Variants in BCAR3 observed in about 807,000 individuals in gnomAD.
BCAR3 encodes breast cancer anti-estrogen resistance protein 3.
In BCAR3, 37 loss-of-function variants were observed where a neutral mutation model predicts 80.1. That is an observed-to-expected ratio of 0.46 (90% CI 0.36 to 0.61). BCAR3 has a LOEUF of 0.61. Among genes scored for constraint, BCAR3 ranks in the 20% least tolerant of loss-of-function variants. BCAR3 has a pLI of 0.00. For missense variants in BCAR3, 978 were observed against 1,068.2 expected, an observed-to-expected ratio of 0.92 and a Z score of 1.18; for synonymous variants, 389 against 418.9, an observed-to-expected ratio of 0.93 and a Z score of 0.87.
At chr1:93,835,549 T>C (rs905779258) in intron 2 of BCAR3, among the ~76,000 whole-genome samples, 9 of 152,232 alleles carry the variant, frequency 5.9e-5, no homozygotes, top group African/African-American at 2.2e-4. Flanking sequence ...GCCCATTCTA[T>C]TCTGTCGTCA....
At chr1:93,616,092 A>T (rs932186387) in intron 3 of BCAR3, among the ~76,000 whole-genome samples, 1 of 152,248 alleles carries the variant, frequency 6.6e-6, no homozygotes, top group Non-Finnish European at 1.5e-5. Context: ...CTCCACAGCC[A>T]GGGTAAAAAC....
At chr1:93,668,621 T>C (rs1391158162) in intron 2 of BCAR3, among the ~76,000 whole-genome samples, 1 of 152,238 alleles carries the variant, frequency 6.6e-6, no homozygotes, top group Non-Finnish European at 1.5e-5. Context: ...TTCAGAAACA[T>C]TCTTGAACTT....
At chr1:93,691,701 T>C (rs1172800359) in intron 3 of BCAR3, among the ~76,000 whole-genome samples, 3 of 152,056 alleles carry the variant, frequency 2.0e-5, no homozygotes, top group Non-Finnish European at 2.9e-5. Context: ...TGTGAGGCTC[T>C]GACCAGCAGC....
At chr1:93,625,915 C>T (rs959433695) in intron 3 of BCAR3, among the ~76,000 whole-genome samples, 1 of 151,758 alleles carries the variant, frequency 6.6e-6, no homozygotes, top group Admixed American at 6.6e-5. Context: ...AAATGGATCC[C>T]TGCAACAAAT....
rs190704072 is a variant in BCAR3 at position 93,819,242 on chromosome 1, T to C, written c.-63+26325A>G. ...CTGCCACACCCAGTTATTTTTGTAT[T>C]TTTAGTAGAGACGGGGTTTCACCAC... is the stretch of plus-strand genomic sequence containing the variant. On this transcript the variant is annotated intron_variant, in intron 2 of 13. Coordinates refer to the BCAR3 transcript ENST00000370244. Among the ~76,000 whole-genome samples the C allele has an allele frequency of 3.8e-4, 58 of 152,338 alleles. 1 individual carries two copies. Among genetic ancestry groups the C allele is most frequent in the Admixed American group, 2.2e-3 (34 of 15,302 alleles).
At chr1:93,645,262 C>T (rs1676117160) in intron 2 of BCAR3, among the ~76,000 whole-genome samples, 1 of 151,792 alleles carries the variant, frequency 6.6e-6, no homozygotes, top group Admixed American at 6.6e-5. Context: ...GAGCTCAGTT[C>T]CTCCTTTCAA....
rs1676008281 is a variant in BCAR3 at position 93,642,342 on chromosome 1, C to A, written c.319G>T (p.Asp107Tyr). Reference sequence around the variant, plus strand: ...ACAGTTGGGTCCAGAAGATGTGGATCCCTGAAAAGAGAAAATATAAATATG... The same window carrying A: ...ACAGTTGGGTCCAGAAGATGTGGATACCTGAAAAGAGAAAATATAAATATG... ...DRHGETFTFR[D>Y]PHLLDPTVEY... The change falls in exon 3 of 12, where the codon GAT (aspartate) becomes TAT (tyrosine). Residue 107 changes from aspartate (D) to tyrosine (Y), a missense_variant and splice_region_variant. Physicochemically the swap from Asp to Tyr is radical, Grantham distance 160. Transcript: ENST00000260502. 1.2e-6 allele frequency: 2 copies of A among 1,612,562 alleles called. No homozygotes were observed. Among genetic ancestry groups the A allele is most frequent in the African/African-American group, 1.3e-5 (1 of 75,014 alleles).
intron 2 of BCAR3, among the ~76,000 whole-genome samples, chr1:93,806,423 T>C (rs1214538517): frequency 6.6e-6 from 1 of 152,204 alleles, no homozygotes; most frequent in Non-Finnish European, 1.5e-5. Flanking sequence ...GGTGAAACTA[T>C]GCAAGAACAA....
At chr1:93,731,646 G>GTAAAATAAAATAAAATAAAA (rs3068528) in intron 2 of BCAR3, among the ~76,000 whole-genome samples, 20 of 147,362 alleles carry the variant, frequency 1.4e-4, no homozygotes, top group African/African-American at 4.8e-4. Flanking sequence ...AGATGTTAAA[G>GTAAAATAAAATAAAATAAAA]TAAAATAAAA....
chr1:93,720,039 G>C lies in BCAR3; in HGVS notation c.-62-13897C>G, dbSNP rs1056823141. On this transcript the variant is annotated intron_variant, in intron 2 of 13. Coordinates refer to the BCAR3 transcript ENST00000370244. The stretch of plus-strand genomic sequence containing the variant: ...TTTTCCTGGGCACTGGTATGTTGTA[G>C]AATAAACCCGTGGGTCTTTCTTATA... 4.6e-5 allele frequency: 7 copies of C among 152,318 alleles called. No individual in the cohort carries two copies. The East Asian group carries it at 1.2e-3, about 25-fold the overall frequency. The allele number at this position is 152,318 out of a possible 1,614,324, so 9.4% of individuals were successfully genotyped here.
chr1:93,584,937 T>G (rs1336099005), intron 5 of BCAR3: 2 of 962,030 alleles, frequency 2.1e-6, no homozygotes, highest in Non-Finnish European at 2.5e-6. Context: ...CATAAAACAT[T>G]GTTATGTTAC....
intron 2 of BCAR3, among the ~76,000 whole-genome samples, chr1:93,785,837 T>C (rs1652916720): frequency 6.6e-6 from 1 of 152,224 alleles, no homozygotes; most frequent in South Asian, 2.1e-4. Flanking sequence ...AGTGGGACTT[T>C]ATGAATTCCT....
At chr1:93,698,993 G>T (rs1006404099) in intron 3 of BCAR3, among the ~76,000 whole-genome samples, 1 of 152,192 alleles carries the variant, frequency 6.6e-6, no homozygotes, top group Non-Finnish European at 1.5e-5. Flanking sequence ...GGCAAGTGGA[G>T]CACCCTCTTA....
At chr1:93,702,705 C>A (rs1649688966) in intron 3 of BCAR3, among the ~76,000 whole-genome samples, 1 of 152,260 alleles carries the variant, frequency 6.6e-6, no homozygotes, top group Non-Finnish European at 1.5e-5. Context: ...AAACCGCACA[C>A]CGCCCAGTGG....
At chr1:93,654,292 C>T (rs1005933912) in intron 2 of BCAR3, among the ~76,000 whole-genome samples, 6 of 152,124 alleles carry the variant, frequency 3.9e-5, no homozygotes, top group Admixed American at 6.5e-5. Context: ...TGAAGTATGA[C>T]GGGGATCTGA....
rs749674466 is a variant in BCAR3 at position 93,582,322 on chromosome 1, G to A, written c.1665C>T (p.His555=). Residue 555 remains histidine (H), a synonymous_variant, in exon 7 of 12, where the codon CAC becomes CAT. Coordinates refer to ENST00000260502, the MANE Select transcript of BCAR3 (RefSeq NM_003567.4). ...TTACCCTGCAGTCCATGCTCAGTACGTGCTGGGCGATGACCTTGGGGTCGT... is the reference window on the plus strand; with the variant it reads ...TTACCCTGCAGTCCATGCTCAGTACATGCTGGGCGATGACCTTGGGGTCGT... ...TNNDPKVIAQ[H]VLSMDCRVAR... is the part of the protein sequence containing the mutation. The A allele has an allele frequency of 1.2e-5, 19 of 1,614,124 alleles. No individual in the cohort carries two copies. The highest frequency in any genetic ancestry group is 1.6e-4 in the Middle Eastern group (1 of 6,062).
chr1:93,600,057 C>A (rs1382065194), intron 3 of BCAR3, among the ~76,000 whole-genome samples: 1 of 152,246 alleles, frequency 6.6e-6, no homozygotes, highest in Non-Finnish European at 1.5e-5. Context: ...TCCAAGGGTG[C>A]TCCAGCTAAG....
chr1:93,605,032 G>A (rs983325178), intron 3 of BCAR3, among the ~76,000 whole-genome samples: 7 of 152,250 alleles, frequency 4.6e-5, no homozygotes, highest in African/African-American at 7.2e-5. Flanking sequence ...TAGATAAACC[G>A]AAACACGATG....
At chr1:93,775,168 T>A (rs894061436) in intron 2 of BCAR3, 1 of 152,222 alleles carries the variant, frequency 6.6e-6, no homozygotes, top group Non-Finnish European at 1.5e-5. Context: ...AGTCCTAGAA[T>A]CTTTCAACGC....
Sources: gnomAD v4.1 joint callset for allele counts (sites outside exome capture counted in the v4.1 genomes callset) on GRCh38, gnomAD v4.1.1 for gene constraint, MANE v1.5 for transcripts, NCBI Gene and HGNC (gene_info 2026-07-23, HGNC 2026-07-21) for gene names.